SHOC1: variants seen among roughly 807,000 people sequenced by gnomAD.
SHOC1 encodes the protein shortage in chiasmata 1.
SHOC1 carries 136 observed loss-of-function variants against 179.2 expected under a neutral mutation model. The observed-to-expected ratio is 0.76, with a 90% CI of 0.66 to 0.87. The LOEUF (loss-of-function observed/expected upper bound fraction) is 0.87. SHOC1 is among the 40% of genes least tolerant of loss of function. SHOC1 has a pLI of 0.00. For synonymous variants in SHOC1, 489 were observed against 586.6 expected (o/e 0.83, Z 2.41); for missense variants, 1,538 against 1,700.8 (o/e 0.90, Z 1.68).
At chr9:111,742,609 C>A (rs1834094403) in intron 10 of SHOC1, among the ~76,000 whole-genome samples, 2 of 152,144 alleles carry the variant, frequency 1.3e-5, no homozygotes, top group South Asian at 4.1e-4. Context: ...TAATCTGTGT[C>A]CCAAGCTCCC....
At chr9:111,780,815 G>T (rs1056675678) in intron 4 of SHOC1, 115 bp downstream of exon 4, 4 of 661,332 alleles carry the variant, frequency 6.0e-6, no homozygotes, top group Admixed American at 3.3e-5. Flanking sequence ...TCAGATAAAA[G>T]AAGAAAATCC....
chr9:111,788,387 T>C (rs1341717891), intron 2 of SHOC1, among the ~76,000 whole-genome samples: 2 of 152,194 alleles, frequency 1.3e-5, no homozygotes, highest in African/African-American at 4.8e-5. Context: ...TCTCAGGTGA[T>C]CTGCCCGCCT....
intron 10 of SHOC1, among the ~76,000 whole-genome samples, chr9:111,745,379 G>A (rs1834230834): frequency 2.0e-5 from 3 of 152,160 alleles, no homozygotes; most frequent in African/African-American, 7.2e-5. Flanking sequence ...TAGGCAATCT[G>A]GCTCTAGTTC....
intron 3 of SHOC1, among the ~76,000 whole-genome samples, chr9:111,781,764 A>G (rs769637527): frequency 2.8e-5 from 4 of 142,908 alleles, no homozygotes; most frequent in Non-Finnish European, 4.7e-5. Flanking sequence ...TTGTATGTGT[A>G]CATAGCTTAT....
At chr9:111,723,121 A>T (rs1183220681) in intron 14 of SHOC1, among the ~76,000 whole-genome samples, 1 of 152,200 alleles carries the variant, frequency 6.6e-6, no homozygotes, top group Admixed American at 6.5e-5. Flanking sequence ...AATTAACTTG[A>T]CATGGCAAAT....
intron 8 of SHOC1, among the ~76,000 whole-genome samples, chr9:111,752,132 TA>T (rs1564148249): frequency 6.6e-6 from 1 of 152,204 alleles, no homozygotes; most frequent in Non-Finnish European, 1.5e-5. Flanking sequence ...CTGGGTCAAC[TA>T]GAACTTGGAT....
chr9:111,746,833 A>C (rs1429898799), intron 9 of SHOC1, among the ~76,000 whole-genome samples: 1 of 152,156 alleles, frequency 6.6e-6, no homozygotes, highest in Non-Finnish European at 1.5e-5. Context: ...CATATATATA[A>C]CATTGTGTCT....
intron 3 of SHOC1, 115 bp from the exon 4 acceptor site, chr9:111,781,132 A>AT (rs1319264030): frequency 5.6e-6 from 4 of 720,594 alleles, no homozygotes; most frequent in Non-Finnish European, 6.8e-6. Flanking sequence ...TCACAAATGT[A>AT]TTTTTTCAAA....
chr9:111,698,349 C>T (rs990212144), intron 24 of SHOC1, among the ~76,000 whole-genome samples: 1 of 152,046 alleles, frequency 6.6e-6, no homozygotes, highest in Non-Finnish European at 1.5e-5. Context: ...GTCTTTAATC[C>T]ATCTTGAATT....
intron 12 of SHOC1, among the ~76,000 whole-genome samples, chr9:111,732,667 T>C (rs192017967): frequency 6.6e-6 from 1 of 152,284 alleles, no homozygotes; most frequent in African/African-American, 2.4e-5. Flanking sequence ...ACTTATACTA[T>C]TTCATTCCAT....
intron 8 of SHOC1, among the ~76,000 whole-genome samples, chr9:111,753,969 TACA>T (rs1257123654): frequency 6.6e-6 from 1 of 152,156 alleles, no homozygotes; most frequent in Admixed American, 6.5e-5. Context: ...AGACCTAACA[TACA>T]GTATGGTGAC....
At chr9:111,729,906 G>A (rs1833488649) in intron 12 of SHOC1, among the ~76,000 whole-genome samples, 1 of 133,462 alleles carries the variant, frequency 7.5e-6, no homozygotes, top group South Asian at 2.5e-4. Context: ...AAAAAAAATT[G>A]GAGTCAATCC....
intron 5 of SHOC1, among the ~76,000 whole-genome samples, chr9:111,764,382 G>A (rs1313069292): frequency 6.6e-6 from 1 of 152,004 alleles, no homozygotes; most frequent in African/African-American, 2.4e-5. Flanking sequence ...TACTGTATAG[G>A]GTTTGGTACT....
chr9:111,725,232 A>G (rs1258138272), intron 13 of SHOC1, among the ~76,000 whole-genome samples: 1 of 152,208 alleles, frequency 6.6e-6, no homozygotes. Flanking sequence ...TTAATTATTA[A>G]AATTTTTGAG....
In SHOC1 at chr9:111,775,037, C is replaced by T. The variant is rs111769955; in HGVS notation, c.442+754G>A. ...TTGAGATTCAGTCTTGCTCTTTTGC[C>T]CAGGCCAGAGTGCAGTGGCGCGATC... On this transcript the variant is annotated intron_variant, in intron 5 of 27. Transcript: ENST00000682961. Among the ~76,000 whole-genome samples, 1,081 of 151,950 alleles carry T rather than the reference C, an allele frequency of 7.1e-3. 3 individuals carry two copies. The highest frequency in any genetic ancestry group is 0.012 in the Non-Finnish European group (802 of 67,972).
Position 111,700,060 on chromosome 9 carries a change from A to G in SHOC1, c.3090-13T>C, listed in dbSNP as rs758788619. On this transcript the variant is annotated splice_polypyrimidine_tract_variant and intron_variant, in intron 23 of 27. Coordinates refer to ENST00000682961, the MANE Select transcript of SHOC1 (RefSeq NM_001378211.1). ...TGTAAGCAGATACCTACAAAGAATT[A>G]TATTACTATATTTCTATTCATTTGA... 3 of 1,246,108 alleles carry G rather than the reference A, an allele frequency of 2.4e-6. No homozygotes were observed. Among genetic ancestry groups the G allele is most frequent in the South Asian group, 1.3e-5 (1 of 75,674 alleles). The allele number at this position is 1,246,108 out of a possible 1,614,324, so 77.2% of individuals were successfully genotyped here.
chr9:111,773,456 G>A lies in SHOC1; in HGVS notation c.442+2335C>T, dbSNP rs145846328. Among the ~76,000 whole-genome samples the A allele has an allele frequency of 2.4e-3, 367 of 152,016 alleles. 1 individual carries two copies. The highest frequency in any genetic ancestry group is 7.9e-3 in the African/African-American group (329 of 41,468). ...GCCTCCCAAATAGCTGAGATTACAG[G>A]TGCCTGCCACTACGCCCAGCTAATT... On this transcript the variant is annotated intron_variant, in intron 5 of 27. Transcript: ENST00000682961.
chr9:111,717,787 G>T (rs1314927781), intron 16 of SHOC1, among the ~76,000 whole-genome samples: 1 of 151,932 alleles, frequency 6.6e-6, no homozygotes, highest in East Asian at 1.9e-4. Context: ...AAAAGAAATT[G>T]GAAAAGATCT....
At chr9:111,723,707 G>T in intron 14 of SHOC1, 85 bp downstream of exon 14, 2 of 1,275,396 alleles carry the variant, frequency 1.6e-6, no homozygotes, top group Non-Finnish European at 2.2e-6. Context: ...AAAATGACAT[G>T]GAAAATGAGG....
Sources: allele counts gnomAD v4.1 joint callset (sites outside exome capture counted in the v4.1 genomes callset), GRCh38; gene constraint gnomAD v4.1.1; transcripts MANE v1.5; gene names NCBI Gene and HGNC (gene_info 2026-07-23, HGNC 2026-07-21).